KRIT1: variants seen among roughly 807,000 people sequenced by gnomAD.
The protein encoded by KRIT1 is KRIT1 ankyrin repeat containing.
A neutral mutation model predicts 95.8 loss-of-function variants in KRIT1; 45 were observed. That is an observed-to-expected ratio of 0.47 (90% CI 0.37 to 0.60). The LOEUF is 0.60. Ranked by LOEUF, KRIT1 falls within the 20% of genes least tolerant of loss-of-function variation. The pLI is 0.00. For synonymous variants in KRIT1, 282 were observed against 278.8 expected (o/e 1.01, Z -0.11); for missense variants, 788 against 877.5 (o/e 0.90, Z 1.29).
intron 17 of KRIT1, among the ~76,000 whole-genome samples, chr7:92,207,644 G>A (rs892700567): frequency 6.6e-6 from 1 of 152,092 alleles, no homozygotes; most frequent in African/African-American, 2.4e-5. Context: ...ATCACCTGAG[G>A]CCAGGAGTTT....
intron 14 of KRIT1, among the ~76,000 whole-genome samples, chr7:92,220,684 CCTT>C (rs1391981325): frequency 1.5e-4 from 22 of 148,740 alleles, no homozygotes; most frequent in Admixed American, 2.7e-4. Context: ...GTCCATTCAT[CCTT>C]CTTTTTTTTT....
At position 92,219,318 on chromosome 7, in the gene KRIT1, T is replaced by C. The variant is rs562527946; in HGVS notation, c.1563+2584A>G. Among the ~76,000 whole-genome samples the C allele has an allele frequency of 1.2e-4, 19 of 152,306 alleles. No homozygotes were observed. In the South Asian group the frequency reaches 3.9e-3, roughly 32 times the overall value. On this transcript the variant is annotated intron_variant, in intron 14 of 18. Coordinates refer to ENST00000394505, the MANE Select transcript of KRIT1 (RefSeq NM_194454.3). ...CACCCAGCCATTTTAACTTTTTATATGGCATGAGGTTGGGGTCCAATTTCC... is the reference window on the plus strand; with the variant it reads ...CACCCAGCCATTTTAACTTTTTATACGGCATGAGGTTGGGGTCCAATTTCC...
chr7:92,218,227 A>G (rs1005851364), intron 14 of KRIT1, among the ~76,000 whole-genome samples: 3 of 151,590 alleles, frequency 2.0e-5, no homozygotes, highest in African/African-American at 7.3e-5. Flanking sequence ...ATTAAAAAAA[A>G]ACAAAGACAA....
intron 17 of KRIT1, among the ~76,000 whole-genome samples, chr7:92,203,618 G>GA (rs1344955524): frequency 1.2e-4 from 19 of 152,248 alleles, no homozygotes; most frequent in Admixed American, 9.8e-4. Flanking sequence ...TACATAATAT[G>GA]AAATGTTATA....
At chr7:92,218,199 G>C (rs1250413621) in intron 14 of KRIT1, among the ~76,000 whole-genome samples, 1 of 151,784 alleles carries the variant, frequency 6.6e-6, no homozygotes, top group Admixed American at 6.6e-5. Context: ...CCACAGGTGT[G>C]TGCCACCACG....
At chr7:92,215,335 T>C (rs557443052) in intron 14 of KRIT1, among the ~76,000 whole-genome samples, 16 of 152,302 alleles carry the variant, frequency 1.1e-4, no homozygotes, top group Admixed American at 7.2e-4. Context: ...AGTAGTGGAC[T>C]TCAAAGAAGA....
At chr7:92,240,404 T>C (rs1023784010) in intron 5 of KRIT1, among the ~76,000 whole-genome samples, 1 of 152,210 alleles carries the variant, frequency 6.6e-6, no homozygotes, top group African/African-American at 2.4e-5. Context: ...GTTTTACTTT[T>C]TAAATTGTAG....
At chr7:92,233,677 T>C (rs776604740) in intron 10 of KRIT1, among the ~76,000 whole-genome samples, 59 of 152,168 alleles carry the variant, frequency 3.9e-4, no homozygotes, top group Non-Finnish European at 7.5e-4. Flanking sequence ...AGTGCTGGGA[T>C]TACAGGTGTG....
chr7:92,213,375 A>T lies in KRIT1; in HGVS notation c.1845T>A (p.Ser615Arg). 6.2e-7 allele frequency: 1 copy of T among 1,611,408 alleles called. No individual in the cohort carries two copies. Among genetic ancestry groups the T allele is most frequent in the Middle Eastern group, 1.7e-4 (1 of 6,052 alleles). ...TGCGCTGAAGGTGATGCATTTCTTT[A>T]CTGACACCTTCACTTGTACTGAGAT... ...YKNLSTSEGV[S>R]KEMHHLQRMF... The change falls in exon 17 of 19, where the codon AGT (serine) becomes AGA (arginine). Residue 615 changes from serine (S) to arginine (R), a missense_variant. By Grantham distance (110) the Ser-to-Arg change is moderately radical. Coordinates refer to ENST00000394505, the MANE Select transcript of KRIT1 (RefSeq NM_194454.3).
At chr7:92,201,601 A>T (rs1790163029) in intron 17 of KRIT1, 178 bp from the exon 18 acceptor site, 1 of 565,846 alleles carries the variant, frequency 1.8e-6, no homozygotes, top group East Asian at 3.2e-5. Flanking sequence ...TTTGTTACAT[A>T]GACATACACA....
At chr7:92,235,314 T>C (rs1202030383) in intron 8 of KRIT1, 89 bp downstream of exon 8, 32 of 1,293,400 alleles carry the variant, frequency 2.5e-5, no homozygotes, top group Non-Finnish European at 3.2e-5. Context: ...TGTTTATAAT[T>C]AGTAATAGAT....
chr7:92,237,068 G>A (rs1164508131), intron 6 of KRIT1, among the ~76,000 whole-genome samples: 1 of 152,046 alleles, frequency 6.6e-6, no homozygotes, highest in Admixed American at 6.6e-5. Flanking sequence ...ACAAGTGGGA[G>A]TAGATAGCAA....
At chr7:92,229,232 T>G (rs186994907) in intron 10 of KRIT1, among the ~76,000 whole-genome samples, 56 of 152,352 alleles carry the variant, frequency 3.7e-4, no homozygotes, top group Admixed American at 4.6e-4. Context: ...TCCCTTTCTC[T>G]GCAACCTTGC....
At chr7:92,208,785 A>G (rs1792120932) in intron 17 of KRIT1, among the ~76,000 whole-genome samples, 1 of 152,178 alleles carries the variant, frequency 6.6e-6, no homozygotes, top group Admixed American at 6.5e-5. Context: ...ATAATGAAGA[A>G]TACCAACTTT....
chr7:92,208,573 T>C (rs899251249), intron 17 of KRIT1, among the ~76,000 whole-genome samples: 29 of 151,994 alleles, frequency 1.9e-4, no homozygotes, highest in African/African-American at 7.0e-4. Flanking sequence ...TTAGAGACTA[T>C]TAGGACCAAT....
intron 12 of KRIT1, among the ~76,000 whole-genome samples, chr7:92,224,498 A>G (rs754366915): frequency 9.9e-5 from 15 of 152,044 alleles, no homozygotes; most frequent in Non-Finnish European, 2.1e-4. Context: ...TAAATTAATA[A>G]TTTTTATAAT....
rs189647056 is a variant in KRIT1 at position 92,235,885 on chromosome 7, T to C, written c.486-239A>G. On this transcript the variant is annotated intron_variant, in intron 7 of 18. Coordinates refer to ENST00000394505, the MANE Select transcript of KRIT1 (RefSeq NM_194454.3). ...TACTTTAGGGGCACATGTGATAATA[T>C]GTTCATATGATCTATAAAGATCAAG... The C allele has an allele frequency of 9.9e-4, 402 of 404,490 alleles. 4 individuals carry two copies. The highest frequency in any genetic ancestry group is 7.5e-3 in the African/African-American group (371 of 49,672). 25.1% of individuals were successfully genotyped at this position (404,490 alleles called of 1,614,324 possible).
chr7:92,201,553 T>C (rs1246861164), intron 17 of KRIT1, 130 bp from the exon 18 acceptor site: 8 of 674,788 alleles, frequency 1.2e-5, no homozygotes, highest in Admixed American at 2.2e-5. Flanking sequence ...AAAATTATTA[T>C]ACTTTAAGTT....
chr7:92,245,786 CCACCTGCT>C lies in KRIT1; in HGVS notation c.-425_-421+3del, dbSNP rs1800862874. The C allele has an allele frequency of 6.5e-6, 1 of 154,586 alleles. No homozygotes were observed. Among genetic ancestry groups the C allele is most frequent in the Non-Finnish European group, 1.4e-5 (1 of 69,670 alleles). 9.6% of individuals were successfully genotyped at this position (154,586 alleles called of 1,614,324 possible). On this transcript the variant is annotated splice_donor_variant and splice_donor_region_variant and 5_prime_UTR_variant and intron_variant, in exon 1 of 19. Transcript: ENST00000394505. LOFTEE classifies it low-confidence loss of function (5UTR_SPLICE). Reference sequence around the variant, plus strand: ...TCTCTGGAGTCGGAGACCCTCCTGCCCACCTGCTCTTTACTGTCCTTCCCTCTCCTCGC... The same window carrying C: ...TCTCTGGAGTCGGAGACCCTCCTGCCCTTTACTGTCCTTCCCTCTCCTCGC...
Sources: allele counts gnomAD v4.1 joint callset (sites outside exome capture counted in the v4.1 genomes callset), GRCh38; gene constraint gnomAD v4.1.1; transcripts MANE v1.5; gene names NCBI Gene and HGNC (gene_info 2026-07-23, HGNC 2026-07-21).